Variants in GTF2H1 observed in about 807,000 individuals in gnomAD.
The protein encoded by GTF2H1 is BTF2 p62.
In GTF2H1, 16 loss-of-function variants were observed where a neutral mutation model predicts 71.2. The observed-to-expected ratio is 0.22, with a 90% CI of 0.15 to 0.34. GTF2H1 has a LOEUF of 0.34. Ranked by LOEUF, GTF2H1 falls within the 10% of genes least tolerant of loss-of-function variation. The pLI is 1.00. For missense variants in GTF2H1, 498 were observed against 648.2 expected, an observed-to-expected ratio of 0.77 and a Z score of 2.52; for synonymous variants, 215 against 219.0, an observed-to-expected ratio of 0.98 and a Z score of 0.16.
At position 18,365,801 on chromosome 11, in the gene GTF2H1, G is replaced by C; in HGVS notation, c.1579G>C (p.Glu527Gln). ...TTTTCAGTTGGTAAGTCACATAGAA[G>C]AGATGCTCCAGACAGCCTACAACAA... is the stretch of plus-strand genomic sequence containing the variant. ...LSTNLVSHIEEMLQTAYNKLH... is the reference protein window; with the variant it reads ...LSTNLVSHIEQMLQTAYNKLH... The change falls in exon 15 of 15, where the codon GAG (glutamate) becomes CAG (glutamine). Residue 527 changes from glutamate to glutamine, a missense_variant. Physicochemically the swap from Glu to Gln is conservative, Grantham distance 29. Around this residue, in one of 3 missense-constraint regions of GTF2H1, gnomAD observed 266 missense variants for 301.6 expected, o/e 0.88. Transcript: ENST00000265963. The C allele has an allele frequency of 6.2e-7, 1 of 1,613,326 alleles. No individual in the cohort carries two copies. The highest frequency in any genetic ancestry group is 8.5e-7 in the Non-Finnish European group (1 of 1,179,314).
Position 18,365,834 on chromosome 11 carries a change from A to G in GTF2H1, c.1612A>G (p.Thr538Ala). The G allele has an allele frequency of 6.2e-7, 1 of 1,613,912 alleles. No homozygotes were observed. Among genetic ancestry groups the G allele is most frequent in the African/African-American group, 1.3e-5 (1 of 75,010 alleles). ...MLQTAYNKLH[T>A]WQSRRLMKKT Reference sequence around the variant, plus strand: ...CCAGACAGCCTACAACAAGCTCCACACATGGCAGTCACGGCGTCTGATGAA... The same window carrying G: ...CCAGACAGCCTACAACAAGCTCCACGCATGGCAGTCACGGCGTCTGATGAA... The change falls in exon 15 of 15, where the codon ACA (threonine) becomes GCA (alanine). Residue 538 changes from threonine to alanine, a missense_variant. Physicochemically the swap from Thr to Ala is moderately conservative, Grantham distance 58. This residue lies in a region of GTF2H1 where 266 missense variants were observed against 301.6 expected (regional missense o/e 0.88). Transcript: ENST00000265963.
chr11:18,366,718 A>AT lies in GTF2H1; in HGVS notation c.*850dup, dbSNP rs1402985404. Reference sequence around the variant, plus strand: ...AGATGGCATGTGCTTTGAAAAGAAGATATTGCATTTTTAAGAGTTTAAAAA... The same window carrying AT: ...AGATGGCATGTGCTTTGAAAAGAAGATTATTGCATTTTTAAGAGTTTAAAAA... On this transcript the variant is annotated 3_prime_UTR_variant, in exon 15 of 15. Transcript: ENST00000265963. 6.6e-6 allele frequency: 1 copy of AT among 152,552 alleles called. No individual in the cohort carries two copies. Among genetic ancestry groups the AT allele is most frequent in the Non-Finnish European group, 1.5e-5 (1 of 68,046 alleles). The allele number at this position is 152,552 out of a possible 1,614,324, so 9.4% of individuals were successfully genotyped here.
intron 7 of GTF2H1, among the ~76,000 whole-genome samples, chr11:18,342,251 TC>T (rs1407970395): frequency 2.6e-5 from 3 of 113,562 alleles, no homozygotes; most frequent in Non-Finnish European, 3.5e-5. Flanking sequence ...TTTTTCTGTC[TC>T]TTTTTTTTTT....
At chr11:18,333,949 T>A (rs925042250) in intron 2 of GTF2H1, among the ~76,000 whole-genome samples, 5 of 152,184 alleles carry the variant, frequency 3.3e-5, no homozygotes, top group African/African-American at 1.2e-4. Flanking sequence ...TTTTTATAAA[T>A]TTCAGGCATG....
At chr11:18,351,843 T>A (rs1473696850) in intron 9 of GTF2H1, 38 bp from the exon 10 acceptor site, 1 of 1,071,874 alleles carries the variant, frequency 9.3e-7, no homozygotes, top group Non-Finnish European at 1.4e-6. Flanking sequence ...TAAGAGAAAG[T>A]TGTGACAAAA....
At chr11:18,356,570 AC>A (rs1174314002) in intron 11 of GTF2H1, among the ~76,000 whole-genome samples, 2 of 151,500 alleles carry the variant, frequency 1.3e-5, no homozygotes, top group Non-Finnish European at 2.9e-5. Flanking sequence ...GACCCACATA[AC>A]TTTTGTCTTG....
At chr11:18,327,849 A>T (rs754201967) in intron 1 of GTF2H1, among the ~76,000 whole-genome samples, 2 of 152,176 alleles carry the variant, frequency 1.3e-5, no homozygotes, top group Admixed American at 6.5e-5. Flanking sequence ...TCGGCTTCCT[A>T]AAGTGATGAG....
intron 14 of GTF2H1, among the ~76,000 whole-genome samples, chr11:18,361,179 AC>A (rs1275454970): frequency 7.2e-5 from 11 of 152,172 alleles, no homozygotes; most frequent in Non-Finnish European, 1.2e-4. Context: ...TATATAAAAT[AC>A]ATACATATTT....
intron 1 of GTF2H1, among the ~76,000 whole-genome samples, chr11:18,322,945 C>G (rs941787704): frequency 5.9e-5 from 9 of 152,188 alleles, no homozygotes; most frequent in African/African-American, 2.2e-4. Flanking sequence ...CTAAAGGAAA[C>G]CTGCTCTTAA....
chr11:18,331,011 G>T (rs1326969175), intron 1 of GTF2H1, among the ~76,000 whole-genome samples: 1 of 152,040 alleles, frequency 6.6e-6, no homozygotes, highest in Non-Finnish European at 1.5e-5. Context: ...CTCATTGTTT[G>T]AGCGAATAAG....
At chr11:18,339,509 T>C (rs1865106689) in intron 4 of GTF2H1, 55 bp from the exon 5 acceptor site, 2 of 1,233,644 alleles carry the variant, frequency 1.6e-6, no homozygotes, top group Non-Finnish European at 2.4e-6. Context: ...CACTGGGACC[T>C]GAGCCATCTT....
chr11:18,337,939 A>G (rs1865071855), intron 3 of GTF2H1, among the ~76,000 whole-genome samples, 170 bp from the exon 4 acceptor site: 1 of 152,200 alleles, frequency 6.6e-6, no homozygotes, highest in South Asian at 2.1e-4. Flanking sequence ...AATGTGGGGT[A>G]TTTTGCTCTT....
intron 7 of GTF2H1, among the ~76,000 whole-genome samples, chr11:18,342,787 T>C (rs981297855): frequency 6.6e-6 from 1 of 152,224 alleles, no homozygotes; most frequent in African/African-American, 2.4e-5. Flanking sequence ...CATTTGTAAC[T>C]TTATCTTCTG....
At position 18,365,984 on chromosome 11, in the gene GTF2H1, C is replaced by G. The variant is rs1221987415; in HGVS notation, c.*115C>G. On this transcript the variant is annotated 3_prime_UTR_variant, in exon 15 of 15. Transcript: ENST00000265963. ...ACCTCACAGGAGTGATAAGAAACAT[C>G]TGCTCCACGCCAACTCCCAGAGCTG... is the stretch of plus-strand genomic sequence containing the variant. 3 of 687,786 alleles carry G rather than the reference C, an allele frequency of 4.4e-6. No individual in the cohort carries two copies. The highest frequency in any genetic ancestry group is 5.2e-6 in the Non-Finnish European group (2 of 386,244). The allele number at this position is 687,786 out of a possible 1,614,324, so 42.6% of individuals were successfully genotyped here. A position where few individuals can be genotyped will look rare whatever the true frequency, so the allele number is the denominator to read the frequency against.
intron 1 of GTF2H1, among the ~76,000 whole-genome samples, chr11:18,324,722 CTAGTAGTTCCTCT>C (rs368356920): frequency 0.033 from 5,026 of 152,214 alleles, 265 homozygotes; most frequent in African/African-American, 0.11. Flanking sequence ...AGCCATTGAC[CTAGTAGTTCCTCT>C]TTTCACCACT....
chr11:18,352,427 A>T lies in GTF2H1; in HGVS notation c.1241A>T (p.Tyr414Phe). 1.4e-6 allele frequency: 2 copies of T among 1,462,344 alleles called. No individual in the cohort carries two copies. Among genetic ancestry groups the T allele is most frequent in the Non-Finnish European group, 9.6e-7 (1 of 1,042,116 alleles). 90.6% of individuals were successfully genotyped at this position (1,462,344 alleles called of 1,614,324 possible). ...FQSIRQEMEAYTPKLTQVLSS... is the reference protein window; with the variant it reads ...FQSIRQEMEAFTPKLTQVLSS... Reference sequence around the variant, plus strand: ...AGTATTAGACAAGAAATGGAAGCTTATACACCCAAGTTAACTCAGGTAGGT... The same window carrying T: ...AGTATTAGACAAGAAATGGAAGCTTTTACACCCAAGTTAACTCAGGTAGGT... The change falls in exon 11 of 15, where the codon TAT (tyrosine) becomes TTT (phenylalanine). Residue 414 changes from tyrosine (Y) to phenylalanine (F), a missense_variant. Tyr to Phe is a conservative substitution (Grantham distance 22, BLOSUM62 3). Coordinates refer to ENST00000265963, the MANE Select transcript of GTF2H1 (RefSeq NM_005316.4).
intron 1 of GTF2H1, among the ~76,000 whole-genome samples, chr11:18,331,036 T>C (rs566582437): frequency 1.3e-5 from 2 of 152,282 alleles, no homozygotes; most frequent in Non-Finnish European, 2.9e-5. Context: ...AATAATTGTT[T>C]TAATCCAGTG....
In GTF2H1 at chr11:18,336,034, T is replaced by A. The variant is rs557054144; in HGVS notation, c.347+88T>A. ...TAATAGCTTGTTAGCTATCCCCACG[T>A]TTTTTCGGTTTTGGTTTTGGTTTTT... On this transcript the variant is annotated intron_variant, in intron 3 of 14. Coordinates refer to ENST00000265963, the MANE Select transcript of GTF2H1 (RefSeq NM_005316.4). 121 of 923,698 alleles carry A rather than the reference T, an allele frequency of 1.3e-4. No individual in the cohort carries two copies. The African/African-American group carries it at 1.9e-3, about 14-fold the overall frequency. 57.2% of individuals were successfully genotyped at this position (923,698 alleles called of 1,614,324 possible).
chr11:18,360,494 T>C, intron 13 of GTF2H1, 121 bp from the exon 14 acceptor site: 1 of 540,558 alleles, frequency 1.8e-6, no homozygotes, highest in Non-Finnish European at 3.2e-6. Context: ...TATTTTTATT[T>C]TATTTTTACA....
Sources: allele counts gnomAD v4.1 joint callset (sites outside exome capture counted in the v4.1 genomes callset), GRCh38; gene constraint gnomAD v4.1.1; regional missense constraint gnomAD v4.1.1; transcripts MANE v1.5; gene names NCBI Gene and HGNC (gene_info 2026-07-23, HGNC 2026-07-21).